Variants in RABGAP1L observed in about 807,000 individuals in gnomAD.
RABGAP1L encodes the protein RAB GTPase activating protein 1 like.
A neutral mutation model predicts 137.7 loss-of-function variants in RABGAP1L; 63 were observed. That is an observed-to-expected ratio of 0.46 (90% CI 0.37 to 0.56). RABGAP1L has a LOEUF of 0.56. Ranked by LOEUF, RABGAP1L falls within the 20% of genes least tolerant of loss-of-function variation. RABGAP1L has a pLI of 0.00. For missense variants in RABGAP1L, 1,095 were observed against 1,244.0 expected (o/e 0.88, Z 1.80); for synonymous variants, 431 against 433.7 (o/e 0.99, Z 0.08).
chr1:174,701,202 C>T (rs1243516884), intron 16 of RABGAP1L: 5 of 1,279,306 alleles, frequency 3.9e-6, no homozygotes, highest in Non-Finnish European at 5.1e-6. Flanking sequence ...AAACCATTTG[C>T]TTGTTTAAAT....
At chr1:174,330,075 T>G (rs1186051598) in intron 11 of RABGAP1L, among the ~76,000 whole-genome samples, 2 of 151,908 alleles carry the variant, frequency 1.3e-5, no homozygotes, top group Admixed American at 6.6e-5. Context: ...GAGAAAGAAA[T>G]AAAAGGCACC....
intron 19 of RABGAP1L, chr1:174,938,422 T>C (rs191131506): frequency 6.6e-6 from 1 of 152,364 alleles, no homozygotes; most frequent in East Asian, 1.9e-4. Flanking sequence ...TTTAATTAGT[T>C]ACCCAGTACT....
chr1:174,882,036 T>C (rs1654317825), intron 19 of RABGAP1L, among the ~76,000 whole-genome samples: 1 of 152,094 alleles, frequency 6.6e-6, no homozygotes, highest in African/African-American at 2.4e-5. Context: ...TAATTTTGTA[T>C]TTTTAATAGA....
At chr1:174,759,706 A>G (rs1052907423) in intron 18 of RABGAP1L, among the ~76,000 whole-genome samples, 1 of 152,204 alleles carries the variant, frequency 6.6e-6, no homozygotes, top group African/African-American at 2.4e-5. Flanking sequence ...GAAGCTTACA[A>G]TCATGGCAGA....
chr1:174,379,267 C>G (rs1225427763), intron 12 of RABGAP1L, among the ~76,000 whole-genome samples: 1 of 148,656 alleles, frequency 6.7e-6, no homozygotes, highest in African/African-American at 2.5e-5. Context: ...CTTGGCGATG[C>G]GGGCTGTTTT....
chr1:174,629,515 C>T (rs993760576), intron 13 of RABGAP1L, among the ~76,000 whole-genome samples: 2 of 151,826 alleles, frequency 1.3e-5, no homozygotes, highest in Non-Finnish European at 2.9e-5. Context: ...AAAAGTAATC[C>T]TAGGAAGGGG....
intron 13 of RABGAP1L, among the ~76,000 whole-genome samples, chr1:174,609,724 GCTT>G (rs1671049114): frequency 6.6e-6 from 1 of 152,086 alleles, no homozygotes. Context: ...ATTGTAATTT[GCTT>G]CTAACAGTGT....
At chr1:174,356,407 A>C (rs1420213301) in intron 11 of RABGAP1L, among the ~76,000 whole-genome samples, 1 of 152,084 alleles carries the variant, frequency 6.6e-6, no homozygotes, top group Admixed American at 6.6e-5. Context: ...AAAGAAAAAA[A>C]ATGAGATTTT....
chr1:174,173,377 A>G (rs536797097), intron 1 of RABGAP1L, among the ~76,000 whole-genome samples: 19 of 151,742 alleles, frequency 1.3e-4, no homozygotes, highest in African/African-American at 4.3e-4. Context: ...TAATCTGCCC[A>G]CCTCAGCCTC....
rs1166671783 is a variant in RABGAP1L at position 174,994,004 on chromosome 1, G to T, written c.*4003G>T. 6.6e-6 allele frequency: 1 copy of T among 152,160 alleles called. No homozygotes were observed. The highest frequency in any genetic ancestry group is 1.5e-5 in the Non-Finnish European group (1 of 68,022). The allele number at this position is 152,160 out of a possible 1,614,324, so 9.4% of individuals were successfully genotyped here. On this transcript the variant is annotated 3_prime_UTR_variant, in exon 26 of 26. Coordinates refer to ENST00000681986, the MANE Select transcript of RABGAP1L (RefSeq NM_001366446.1). ...AACCAAATACACATTGAGATTTCAA[G>T]AAATGATGATGAAAGCCAGAAGGCC...
rs142188565 is a variant in RABGAP1L at position 174,750,121 on chromosome 1, G to A, written c.2170-2192G>A. 1.5e-3 allele frequency among the ~76,000 whole-genome samples: 226 copies of A among 152,168 alleles called. 1 individual carries two copies. The highest frequency in any genetic ancestry group is 4.6e-3 in the African/African-American group (193 of 41,506). ...CCTGACCTCGTGATCCGCCTGCCTCGGTCTCCCAAAGTGCTTTTGGGATAA... is the reference window on the plus strand; with the variant it reads ...CCTGACCTCGTGATCCGCCTGCCTCAGTCTCCCAAAGTGCTTTTGGGATAA... On this transcript the variant is annotated intron_variant, in intron 17 of 25. Transcript: ENST00000681986.
At chr1:174,159,683 A>T (rs943922243) in intron 1 of RABGAP1L, 26 bp downstream of exon 1, 7 of 152,234 alleles carry the variant, frequency 4.6e-5, no homozygotes, top group Non-Finnish European at 7.3e-5. Context: ...CCTCCTAGGG[A>T]CACGAGGGCG....
At chr1:174,528,420 C>G (rs12062170) in intron 13 of RABGAP1L, among the ~76,000 whole-genome samples, 58,802 of 151,526 alleles carry the variant, frequency 0.39, 14,320 homozygotes, top group African/African-American at 0.69. Context: ...CTCAGCTTTT[C>G]TTTGTCTGGG....
In RABGAP1L at chr1:174,969,375, T is replaced by A. The variant is rs1669936567; in HGVS notation, c.2532T>A (p.Asn844Lys). The change falls in exon 21 of 26, where the codon AAT (asparagine) becomes AAA (lysine). Residue 844 changes from asparagine (N) to lysine (K), a missense_variant. Physicochemically the swap from Asn to Lys is moderately conservative, Grantham distance 94. Transcript: ENST00000681986. ...TAACAAGCAAAATTGCTCTACGGAA[T>A]GACTTGGATCAGGTAATCCTTAGAA... ...ELVTSKIALR[N>K]DLDQAEDKAD... The A allele has an allele frequency of 6.5e-7, 1 of 1,549,476 alleles. No individual in the cohort carries two copies. The highest frequency in any genetic ancestry group is 2.0e-5 in the Admixed American group (1 of 50,984).
chr1:174,242,542 G>A (rs1010498051), intron 5 of RABGAP1L, among the ~76,000 whole-genome samples: 1 of 152,172 alleles, frequency 6.6e-6, no homozygotes, highest in African/African-American at 2.4e-5. Context: ...CAGGAGTTTT[G>A]AGTTTATTTC....
At chr1:174,245,669 A>G in intron 5 of RABGAP1L, 1 of 149,862 alleles carries the variant, frequency 6.7e-6, no homozygotes, top group Non-Finnish European at 1.5e-5. Flanking sequence ...GCAGAGTCTC[A>G]CTGTCTCCCA....
intron 20 of RABGAP1L, chr1:174,958,042 T>C: frequency 2.0e-6 from 3 of 1,532,772 alleles, no homozygotes; most frequent in Admixed American, 2.0e-5. Context: ...TAGCTGTGCA[T>C]GTCATATCCA....
intron 1 of RABGAP1L, among the ~76,000 whole-genome samples, chr1:174,200,264 A>G (rs1440962766): frequency 3.3e-5 from 5 of 152,198 alleles, no homozygotes; most frequent in Non-Finnish European, 1.5e-5. Flanking sequence ...TTAGCTAACA[A>G]TCTGGTGTTC....
At chr1:174,437,805 AG>A (rs1336485002) in intron 13 of RABGAP1L, among the ~76,000 whole-genome samples, 5 of 152,232 alleles carry the variant, frequency 3.3e-5, no homozygotes, top group African/African-American at 1.2e-4. Flanking sequence ...AAAAATGTTA[AG>A]GGCAGCCAGA....
Sources: allele counts gnomAD v4.1 joint callset (sites outside exome capture counted in the v4.1 genomes callset), GRCh38; gene constraint gnomAD v4.1.1; transcripts MANE v1.5; gene names NCBI Gene and HGNC (gene_info 2026-07-23, HGNC 2026-07-21).